Variants in GABRP observed in about 807,000 individuals in gnomAD.
The protein encoded by GABRP is gamma-aminobutyric acid type A receptor subunit pi, also known as gamma-aminobutyric acid receptor subunit pi.
GABRP carries 52 observed loss-of-function variants against 47.8 expected under a neutral mutation model. The ratio of observed to expected loss-of-function variants is 1.09; its 90% CI spans 0.87 to 1.37. GABRP has a LOEUF of 1.37. Ranked by LOEUF, GABRP falls within the 40% of genes most tolerant of loss-of-function variation. The pLI is 0.00. For missense variants in GABRP, 525 were observed against 542.8 expected (o/e 0.97, Z 0.33); for synonymous variants, 221 against 205.8 (o/e 1.07, Z -0.63).
chr5:170,787,015 T>C lies in GABRP; in HGVS notation c.-42-1559T>C, dbSNP rs1765146831. Among the ~76,000 whole-genome samples the C allele has an allele frequency of 2.0e-5, 3 of 152,042 alleles. No homozygotes were observed. In the South Asian group the frequency reaches 6.2e-4, roughly 32 times the overall value. On this transcript the variant is annotated intron_variant, in intron 1 of 9. Coordinates refer to ENST00000265294, the MANE Select transcript of GABRP (RefSeq NM_014211.3). Reference sequence around the variant, plus strand: ...TGTTATGTTTTTTTAAATAGACTTCTTTTTTAGAGCAATTTTGGGTCATAG... The same window carrying C: ...TGTTATGTTTTTTTAAATAGACTTCCTTTTTAGAGCAATTTTGGGTCATAG...
intron 3 of GABRP, 126 bp downstream of exon 3, chr5:170,789,373 A>G (rs1467931713): frequency 6.4e-6 from 4 of 626,466 alleles, no homozygotes; most frequent in African/African-American, 5.5e-5. Flanking sequence ...AGGATTGGCA[A>G]TGATGGATGA....
At chr5:170,809,057 A>G (rs1765814431) in intron 8 of GABRP, among the ~76,000 whole-genome samples, 1 of 151,832 alleles carries the variant, frequency 6.6e-6, no homozygotes, top group Admixed American at 6.6e-5. Flanking sequence ...CTGCCTTATC[A>G]TCCCAGGTAG....
Position 170,809,684 on chromosome 5 carries a change from G to A in GABRP, c.949G>A (p.Val317Met). The A allele has an allele frequency of 6.2e-7, 1 of 1,613,700 alleles. No individual in the cohort carries two copies. Among genetic ancestry groups the A allele is most frequent in the South Asian group, 1.1e-5 (1 of 91,000 alleles). The change falls in exon 9 of 10, where the codon GTG becomes ATG. Residue 317 changes from valine (V) to methionine (M), a missense_variant. Physicochemically the swap from Val to Met is conservative, Grantham distance 21. Transcript: ENST00000265294. Reference protein sequence around the residue: ...DVYLGICFSFVFGALLEYAVA... With the variant: ...DVYLGICFSFMFGALLEYAVA... The stretch of plus-strand genomic sequence containing the variant: ...GTACCTGGGGATCTGCTTTAGCTTT[G>A]TGTTTGGGGCCTTGCTAGAATATGC...
At chr5:170,804,027 C>G (rs919813524) in intron 6 of GABRP, among the ~76,000 whole-genome samples, 2 of 152,268 alleles carry the variant, frequency 1.3e-5, no homozygotes, top group Middle Eastern at 6.8e-3. Context: ...CTCAGCCTCC[C>G]AAAGTGCTGG....
intron 8 of GABRP, among the ~76,000 whole-genome samples, chr5:170,809,170 C>A (rs925835243): frequency 1.3e-5 from 2 of 152,288 alleles, no homozygotes; most frequent in South Asian, 2.1e-4. Flanking sequence ...CTCCTGACCT[C>A]AAGTGATCTG....
At chr5:170,810,554 G>A (rs529379737) in intron 9 of GABRP, among the ~76,000 whole-genome samples, 4 of 152,136 alleles carry the variant, frequency 2.6e-5, no homozygotes, top group Non-Finnish European at 5.9e-5. Flanking sequence ...ATTAGACCAT[G>A]CTCTTAACTA....
chr5:170,785,666 T>A (rs1449455224), intron 1 of GABRP, among the ~76,000 whole-genome samples: 1 of 152,194 alleles, frequency 6.6e-6, no homozygotes, highest in Non-Finnish European at 1.5e-5. Flanking sequence ...GGGAAAGCAC[T>A]ATTCAAGAGG....
Position 170,813,775 on chromosome 5 carries a change from C to T in GABRP, c.*1517C>T, listed in dbSNP as rs571226219. The T allele has an allele frequency of 1.3e-5, 2 of 152,296 alleles. No homozygotes were observed. The highest frequency in any genetic ancestry group is 4.1e-4 in the South Asian group (2 of 4,828). 9.4% of individuals were successfully genotyped at this position (152,296 alleles called of 1,614,324 possible). A position where few individuals can be genotyped will look rare whatever the true frequency, so the allele number is the denominator to read the frequency against. ...GTAACTCCCTAGAGCCACAGGTTCT[C>T]ATTCCTTTTCCCATTATACTTCTCA... On this transcript the variant is annotated 3_prime_UTR_variant, in exon 10 of 10. Transcript: ENST00000265294.
At chr5:170,784,538 T>C (rs2127245878) in intron 1 of GABRP, among the ~76,000 whole-genome samples, 1 of 152,008 alleles carries the variant, frequency 6.6e-6, no homozygotes. Context: ...CAGCTCCCTA[T>C]GTGACCTTAA....
intron 3 of GABRP, among the ~76,000 whole-genome samples, 178 bp from the exon 4 acceptor site, chr5:170,794,052 CA>C (rs1765352677): frequency 6.6e-6 from 1 of 152,140 alleles, no homozygotes; most frequent in East Asian, 1.9e-4. Flanking sequence ...ACACCATACA[CA>C]ATGGTTACTC....
rs1765914965 is a variant in GABRP at position 170,812,444 on chromosome 5, T to C, written c.*186T>C. On this transcript the variant is annotated 3_prime_UTR_variant, in exon 10 of 10. Transcript: ENST00000265294. Reference sequence around the variant, plus strand: ...TCTAAGCTGTGTAGAAGTCCTAGCATTATAGGATCTTGTAATAGAAACATC... The same window carrying C: ...TCTAAGCTGTGTAGAAGTCCTAGCACTATAGGATCTTGTAATAGAAACATC... 1.7e-6 allele frequency: 1 copy of C among 579,794 alleles called. No individual in the cohort carries two copies. Among genetic ancestry groups the C allele is most frequent in the Non-Finnish European group, 3.1e-6 (1 of 327,620 alleles). 35.9% of individuals were successfully genotyped at this position (579,794 alleles called of 1,614,324 possible).
chr5:170,811,720 A>G (rs12515575), intron 9 of GABRP, among the ~76,000 whole-genome samples: 123,892 of 152,048 alleles, frequency 0.81, 50,729 homozygotes, highest in East Asian at 1. Context: ...TATCCACAGT[A>G]GGCCATGTTT....
intron 6 of GABRP, among the ~76,000 whole-genome samples, chr5:170,804,208 AT>A (rs1765669632): frequency 7.1e-6 from 1 of 140,292 alleles, no homozygotes; most frequent in Non-Finnish European, 1.5e-5. Context: ...ATATATATAT[AT>A]ATTCATGTGA....
Position 170,795,414 on chromosome 5 carries a change from G to A in GABRP, c.447G>A (p.Leu149=). Reference sequence around the variant, plus strand: ...GCCTCTTCTCCAATGGCACGGTCCTGTATGCCCTCAGGTACGCGGACACCT... The same window carrying A: ...GCCTCTTCTCCAATGGCACGGTCCTATATGCCCTCAGGTACGCGGACACCT... ...LIRLFSNGTV[L]YALRITTTVA... Residue 149 remains leucine, a synonymous_variant, in exon 5 of 10, where the codon CTG becomes CTA. Transcript: ENST00000265294. 6.2e-7 allele frequency: 1 copy of A among 1,614,004 alleles called. No individual in the cohort carries two copies. Among genetic ancestry groups the A allele is most frequent in the Non-Finnish European group, 8.5e-7 (1 of 1,179,922 alleles).
At chr5:170,811,612 G>A (rs1765884846) in intron 9 of GABRP, among the ~76,000 whole-genome samples, 1 of 152,144 alleles carries the variant, frequency 6.6e-6, no homozygotes. Context: ...GGATTGAGGT[G>A]ACTAAAGTTT....
intron 6 of GABRP, among the ~76,000 whole-genome samples, chr5:170,804,803 T>G (rs1765685722): frequency 6.6e-6 from 1 of 152,000 alleles, no homozygotes; most frequent in Non-Finnish European, 1.5e-5. Flanking sequence ...CTTGCTTGCC[T>G]TGTTATCCTG....
chr5:170,805,012 A>G (rs1204683557), intron 6 of GABRP, among the ~76,000 whole-genome samples: 2 of 145,950 alleles, frequency 1.4e-5, no homozygotes, highest in African/African-American at 2.5e-5. Flanking sequence ...TATATATTAT[A>G]TATATTATAA....
rs1161684450 is a variant in GABRP at position 170,813,755 on chromosome 5, T to C, written c.*1497T>C. 6.6e-6 allele frequency: 1 copy of C among 152,132 alleles called. No individual in the cohort carries two copies. Among genetic ancestry groups the C allele is most frequent in the Non-Finnish European group, 1.5e-5 (1 of 68,026 alleles). 9.4% of individuals were successfully genotyped at this position (152,132 alleles called of 1,614,324 possible). A position where few individuals can be genotyped will look rare whatever the true frequency, so the allele number is the denominator to read the frequency against. On this transcript the variant is annotated 3_prime_UTR_variant, in exon 10 of 10. Coordinates refer to ENST00000265294, the MANE Select transcript of GABRP (RefSeq NM_014211.3). Reference sequence around the variant, plus strand: ...TAAAAGATGATTTCCCTTCTGTAACTCCCTAGAGCCACAGGTTCTCATTCC... The same window carrying C: ...TAAAAGATGATTTCCCTTCTGTAACCCCCTAGAGCCACAGGTTCTCATTCC...
chr5:170,807,260 A>T (rs4868033), intron 7 of GABRP, among the ~76,000 whole-genome samples: 124,809 of 152,216 alleles, frequency 0.82, 51,787 homozygotes, highest in East Asian at 1. Context: ...ATTTTCCAAA[A>T]TTTAAGTAAT....
Sources: gnomAD v4.1 joint callset for allele counts (sites outside exome capture counted in the v4.1 genomes callset) on GRCh38, gnomAD v4.1.1 for gene constraint, MANE v1.5 for transcripts, NCBI Gene and HGNC (gene_info 2026-07-23, HGNC 2026-07-21) for gene names.